MYO18A: variants seen among roughly 807,000 people sequenced by gnomAD.
The protein encoded by MYO18A is unconventional myosin-XVIIIa.
MYO18A carries 78 observed loss-of-function variants against 235.8 expected under a neutral mutation model. That is an observed-to-expected ratio of 0.33 (90% CI 0.28 to 0.40). The LOEUF is 0.40. MYO18A is among the 10% of genes least tolerant of loss of function. MYO18A has a pLI of 1.00. For synonymous variants in MYO18A, 977 were observed against 1,077.8 expected (o/e 0.91, Z 1.83); for missense variants, 2,215 against 2,699.3 (o/e 0.82, Z 3.98).
In MYO18A at chr17:29,140,411, G is replaced by C; in HGVS notation, c.1000-18158C>G. ...TGATGCTGCTCTGGCTCCGTTAGCA[G>C]CTCAAAATAGCACAGGCTGTGGCCC... On this transcript the variant is annotated intron_variant, in intron 2 of 41. Coordinates refer to ENST00000527372, the MANE Select transcript of MYO18A (RefSeq NM_078471.4). The surrounding 1 kb of genome is among the most constrained non-coding windows in gnomAD (Gnocchi z 4.2). The C allele has an allele frequency of 7.8e-7, 1 of 1,281,672 alleles. No homozygotes were observed. The highest frequency in any genetic ancestry group is 1.0e-6 in the Non-Finnish European group (1 of 985,168). The allele number at this position is 1,281,672 out of a possible 1,614,324, so 79.4% of individuals were successfully genotyped here. A position where few individuals can be genotyped will look rare whatever the true frequency, so the allele number is the denominator to read the frequency against.
At position 29,110,557 on chromosome 17, in the gene MYO18A, G is replaced by A. The variant is rs746472274; in HGVS notation, c.2966C>T (p.Ala989Val). ...CAGCTGCGAGCCGCCCTCCAGGCCC[G>A]CGATGGAGCCAGAGAGCACCGTGGC... ...GSATVLSGSI[A>V]GLEGGSQLAL... Residue 989 changes from alanine to valine, a missense_variant, in exon 18 of 42, where the codon GCG (alanine) becomes GTG (valine). Transcript: ENST00000527372. 1.6e-5 allele frequency: 26 copies of A among 1,612,480 alleles called. No homozygotes were observed. The South Asian group carries it at 2.4e-4, about 15-fold the overall frequency.
At chr17:29,085,697 G>A in intron 39 of MYO18A, 49 bp from the exon 40 acceptor site, 1 of 1,599,470 alleles carries the variant, frequency 6.3e-7, no homozygotes, top group Non-Finnish European at 8.6e-7. Context: ...GGAAACAGAT[G>A]AAATCAATCG....
At chr17:29,087,823 A>G (rs2066292797) in intron 37 of MYO18A, among the ~76,000 whole-genome samples, 1 of 151,608 alleles carries the variant, frequency 6.6e-6, no homozygotes, top group Non-Finnish European at 1.5e-5. Context: ...AAACCACAAA[A>G]CTCTCTGAGC....
chr17:29,148,728 C>T (rs1399901287), intron 2 of MYO18A, among the ~76,000 whole-genome samples: 2 of 152,110 alleles, frequency 1.3e-5, no homozygotes, highest in Admixed American at 1.3e-4. Context: ...CCAGTGGATT[C>T]TGAAGGGTTA....
At chr17:29,143,402 G>A (rs1478083671) in intron 2 of MYO18A, among the ~76,000 whole-genome samples, 1 of 121,542 alleles carries the variant, frequency 8.2e-6, no homozygotes, top group Non-Finnish European at 1.7e-5. Context: ...CACCATGTAG[G>A]TTTTTTTTTT....
intron 1 of MYO18A, chr17:29,176,620 C>T (rs954962453): frequency 6.6e-6 from 1 of 152,208 alleles, no homozygotes; most frequent in Non-Finnish European, 1.5e-5. Context: ...GCTCTCTCCC[C>T]GCGCTCTGCC....
intron 1 of MYO18A, among the ~76,000 whole-genome samples, chr17:29,175,965 A>T (rs1020420485): frequency 1.3e-5 from 2 of 152,084 alleles, no homozygotes; most frequent in Admixed American, 6.6e-5. Flanking sequence ...AGGCTGAGGC[A>T]GAGAATTGCT....
At chr17:29,097,373 G>A in intron 26 of MYO18A, 23 bp from the exon 27 acceptor site, 2 of 1,604,246 alleles carry the variant, frequency 1.2e-6, no homozygotes, top group Non-Finnish European at 1.7e-6. Flanking sequence ...GGCAGACAAG[G>A]GAGGATGGAG....
At chr17:29,154,886 G>A (rs900577968) in intron 2 of MYO18A, among the ~76,000 whole-genome samples, 2 of 152,212 alleles carry the variant, frequency 1.3e-5, no homozygotes, top group Non-Finnish European at 2.9e-5. Context: ...ACATGAGGGA[G>A]GGGCAGGGGC....
intron 1 of MYO18A, among the ~76,000 whole-genome samples, chr17:29,173,526 T>G (rs2068454555): frequency 6.6e-6 from 1 of 151,876 alleles, no homozygotes; most frequent in Non-Finnish European, 1.5e-5. Context: ...TAGCTGGTAC[T>G]ACAGGCGCCC....
chr17:29,100,995 A>G (rs1363852631), intron 21 of MYO18A, among the ~76,000 whole-genome samples: 3 of 152,102 alleles, frequency 2.0e-5, no homozygotes, highest in African/African-American at 2.4e-5. Context: ...CTGAGCCTCA[A>G]TTTCTTTTCT....
chr17:29,162,330 A>G (rs7212554), intron 2 of MYO18A, among the ~76,000 whole-genome samples: 4,440 of 152,250 alleles, frequency 0.029, 203 homozygotes, highest in African/African-American at 0.1. Context: ...AGGGGCCTCC[A>G]TGACCTGGCT....
intron 2 of MYO18A, among the ~76,000 whole-genome samples, chr17:29,124,301 G>C (rs2067268312): frequency 6.6e-6 from 1 of 152,232 alleles, no homozygotes; most frequent in Non-Finnish European, 1.5e-5. Context: ...CAGAGATTCT[G>C]CCTTTCCAGC....
intron 30 of MYO18A, chr17:29,094,367 T>C (rs1341220745): frequency 1.7e-6 from 1 of 598,698 alleles, no homozygotes; most frequent in Non-Finnish European, 3.0e-6. Context: ...ACTTGGTGGC[T>C]GGGTAGCAGG....
chr17:29,082,515 G>C, intron 40 of MYO18A, 77 bp from the exon 41 acceptor site: 1 of 1,487,958 alleles, frequency 6.7e-7, no homozygotes, highest in Non-Finnish European at 9.1e-7. Flanking sequence ...GGGGGTGCAG[G>C]GGGTGTCTTG....
intron 19 of MYO18A, among the ~76,000 whole-genome samples, chr17:29,108,500 G>A (rs1028360537): frequency 9.9e-5 from 15 of 152,208 alleles, no homozygotes; most frequent in Non-Finnish European, 1.6e-4. Context: ...ACACAGAAAC[G>A]GAGGCCTGGG....
rs974552220 is a variant in MYO18A, at chr17:29,166,154, T to C, written c.787A>G (p.Thr263Ala). 6.2e-7 allele frequency: 1 copy of C among 1,613,110 alleles called. No homozygotes were observed. Residue 263 changes from threonine to alanine, a missense_variant, in exon 2 of 42, where the codon ACC (threonine) becomes GCC (alanine). Transcript: ENST00000527372. ...ACCAGCCCCAGGGCCAGGTCCTTGG[T>C]GCCTGCACCAGGCTCAGCAAAGTGG... The part of the protein sequence containing the change: ...VVHFAEPGAG[T>A]KDLALGLVPG...
intron 13 of MYO18A, 49 bp from the exon 14 acceptor site, chr17:29,115,148 C>T (rs761175675): frequency 1.4e-4 from 211 of 1,551,800 alleles, no homozygotes; most frequent in Non-Finnish European, 1.8e-4. Context: ...GCCCCGGGCA[C>T]CAGGAAGCCC....
chr17:29,091,398 G>T lies in MYO18A; in HGVS notation c.5188-472C>A, dbSNP rs998546892. 9.0e-6 allele frequency: 3 copies of T among 334,108 alleles called. No individual in the cohort carries two copies. The Admixed American group carries it at 1.2e-4, about 13-fold the overall frequency. The allele number at this position is 334,108 out of a possible 1,614,324, so 20.7% of individuals were successfully genotyped here. On this transcript the variant is annotated intron_variant, in intron 34 of 41. Transcript: ENST00000527372. The stretch of plus-strand genomic sequence containing the variant: ...AGCCCCGACAGCCAGTCCCCTCCTT[G>T]GGGGAGGGGAAGAGAGATCCAACAG...
Sources: gnomAD v4.1 joint callset for allele counts (sites outside exome capture counted in the v4.1 genomes callset) on GRCh38, gnomAD v4.1.1 for gene constraint, Gnocchi (gnomAD v3.1) non-coding constraint, MANE v1.5 for transcripts, NCBI Gene and HGNC (gene_info 2026-07-23, HGNC 2026-07-21) for gene names.